The following DGCR2 variants were observed in gnomAD, a reference collection of about 807,000 sequenced individuals.
The protein encoded by DGCR2 is DiGeorge syndrome critical region gene 2.
DGCR2 carries 24 observed loss-of-function variants against 51.6 expected under a neutral mutation model. That is an observed-to-expected ratio of 0.47 (90% CI 0.34 to 0.65). The LOEUF is 0.65. DGCR2 is among the 30% of genes least tolerant of loss of function. DGCR2 has a pLI of 0.01. For missense variants in DGCR2, 765 were observed against 772.1 expected (o/e 0.99, Z 0.11); for synonymous variants, 340 against 315.4 (o/e 1.08, Z -0.82).
chr22:19,038,862 C>A lies in DGCR2; in HGVS notation c.*3G>T, dbSNP rs567084754. On this transcript the variant is annotated 3_prime_UTR_variant, in exon 10 of 10. Transcript: ENST00000263196. ...CAGACCGTTGGGGTACAGGCCAGGC[C>A]GTCTACACCACAGTATTGAGGGAGC... 5 of 1,611,750 alleles carry A rather than the reference C, an allele frequency of 3.1e-6. No individual in the cohort carries two copies. Among genetic ancestry groups the A allele is most frequent in the African/African-American group, 1.3e-5 (1 of 74,888 alleles).
At chr22:19,113,306 G>T (rs1420941613) in intron 1 of DGCR2, among the ~76,000 whole-genome samples, 1 of 151,848 alleles carries the variant, frequency 6.6e-6, no homozygotes, top group East Asian at 1.9e-4. Flanking sequence ...GGAGGCGGAG[G>T]TTGCAGTGAG....
At position 19,122,168 on chromosome 22, in the gene DGCR2, G is replaced by A. The variant is rs1450141038; in HGVS notation, c.39C>T (p.Leu13=). 6 of 1,513,536 alleles carry A rather than the reference G, an allele frequency of 4.0e-6. No individual in the cohort carries two copies. The highest frequency in any genetic ancestry group is 1.7e-4 in the Middle Eastern group (1 of 5,724). 93.8% of individuals were successfully genotyped at this position (1,513,536 alleles called of 1,614,324 possible). The part of the protein sequence containing the change: ...PKADSGAFLL[L]FLLVLTVTEP... Reference sequence around the variant, plus strand: ...CGGTGACAGTGAGCACGAGCAGGAAGAGCAGCAGGAAGGCGCCGCTGTCTG... The same window carrying A: ...CGGTGACAGTGAGCACGAGCAGGAAAAGCAGCAGGAAGGCGCCGCTGTCTG... The change falls in exon 1 of 10, where the codon CTC becomes CTT. Residue 13 remains leucine (L), a synonymous_variant. Coordinates refer to ENST00000263196, the MANE Select transcript of DGCR2 (RefSeq NM_005137.3).
intron 2 of DGCR2, among the ~76,000 whole-genome samples, chr22:19,074,633 A>C (rs532177592): frequency 1.3e-5 from 2 of 152,274 alleles, no homozygotes; most frequent in African/African-American, 4.8e-5. Flanking sequence ...CAGCTAAAAC[A>C]ATGTTTGCCT....
intron 6 of DGCR2, among the ~76,000 whole-genome samples, chr22:19,051,188 C>CAA (rs61277487): frequency 0.19 from 9,488 of 48,934 alleles, 744 homozygotes; most frequent in Non-Finnish European, 0.25. Context: ...AATTCTGTCA[C>CAA]AAAAAAAAAA....
At chr22:19,046,042 G>T (rs1039467513) in intron 7 of DGCR2, 1 of 152,074 alleles carries the variant, frequency 6.6e-6, no homozygotes, top group Admixed American at 6.6e-5. Context: ...CTGATTTTTA[G>T]AATTAGCTTG....
At chr22:19,108,414 A>T (rs1177377294) in intron 1 of DGCR2, among the ~76,000 whole-genome samples, 1 of 151,602 alleles carries the variant, frequency 6.6e-6, no homozygotes, top group Non-Finnish European at 1.5e-5. Flanking sequence ...ACAAAAATTA[A>T]AATAAAAATA....
At position 19,062,779 on chromosome 22, in the gene DGCR2, A is replaced by ACTCGCTCACTCTCTCTCTCTCTCT. The variant is rs2082688729; in HGVS notation, c.625+422_625+423insAGAGAGAGAGAGAGAGTGAGCGAG. 2.4e-5 allele frequency among the ~76,000 whole-genome samples: 3 copies of ACTCGCTCACTCTCTCTCTCTCTCT among 127,354 alleles called. No homozygotes were observed. The South Asian group carries it at 8.6e-4, about 37-fold the overall frequency. 83.5% of individuals were successfully genotyped at this position (127,354 alleles called of 152,430 possible). On this transcript the variant is annotated intron_variant, in intron 5 of 9. Coordinates refer to ENST00000263196, the MANE Select transcript of DGCR2 (RefSeq NM_005137.3). ...TGCGCACACACACACATGCATGCTC[A>ACTCGCTCACTCTCTCTCTCTCTCT]CTCTCTCTCTCTCTCTCTCTCTCTC...
intron 1 of DGCR2, among the ~76,000 whole-genome samples, chr22:19,103,416 CTTTTTTTTTTTTTTTTTTT>C (rs55877455): frequency 1.3e-4 from 9 of 67,732 alleles, no homozygotes; most frequent in South Asian, 6.7e-4. Context: ...AAAAAAAGTT[CTTTTTTTTTTTTTTTTTTT>C]TTTTTTTTTT....
rs568335081 is a variant in DGCR2 at position 19,075,167 on chromosome 22, C to T, written c.203-6942G>A. On this transcript the variant is annotated intron_variant, in intron 2 of 9. Transcript: ENST00000263196. ...GTTGGGCTGGGTGCAGTGGCTCACG[C>T]CTGTAATCCCAGCACTTTGGGAGGC... Among the ~76,000 whole-genome samples the T allele has an allele frequency of 4.5e-4, 69 of 152,318 alleles. 1 individual carries two copies. In the South Asian group the frequency reaches 0.014, roughly 30 times the overall value.
chr22:19,069,857 G>T (rs559947307), intron 2 of DGCR2, among the ~76,000 whole-genome samples: 8 of 152,136 alleles, frequency 5.3e-5, no homozygotes, highest in Non-Finnish European at 7.4e-5. Flanking sequence ...GATGGGGATG[G>T]GTTGCTATTC....
intron 2 of DGCR2, among the ~76,000 whole-genome samples, chr22:19,077,423 A>G (rs1028333595): frequency 5.9e-5 from 9 of 152,212 alleles, no homozygotes; most frequent in Non-Finnish European, 1.3e-4. Context: ...TCCTAGCACC[A>G]TTCATTCTGA....
At chr22:19,061,747 C>G (rs773967588) in intron 5 of DGCR2, 2 of 152,246 alleles carry the variant, frequency 1.3e-5, no homozygotes, top group Non-Finnish European at 1.5e-5. Flanking sequence ...ATCCATTTAA[C>G]TGGGCACAAG....
At chr22:19,049,114 G>T (rs1028410487) in intron 6 of DGCR2, among the ~76,000 whole-genome samples, 6 of 152,242 alleles carry the variant, frequency 3.9e-5, no homozygotes, top group African/African-American at 1.4e-4. Context: ...AGACTCCAGG[G>T]TCACTGCAGA....
intron 7 of DGCR2, among the ~76,000 whole-genome samples, chr22:19,043,851 G>A (rs901473588): frequency 6.6e-6 from 1 of 152,192 alleles, no homozygotes; most frequent in African/African-American, 2.4e-5. Context: ...ACGGGGCCAG[G>A]AAGCATCTCC....
chr22:19,097,664 G>A (rs1027526651), intron 1 of DGCR2, among the ~76,000 whole-genome samples: 2 of 152,178 alleles, frequency 1.3e-5, no homozygotes, highest in African/African-American at 4.8e-5. Flanking sequence ...CACACTTGAA[G>A]AATACTTCTT....
At chr22:19,054,094 G>C (rs1057363827) in intron 6 of DGCR2, among the ~76,000 whole-genome samples, 1 of 152,204 alleles carries the variant, frequency 6.6e-6, no homozygotes, top group Non-Finnish European at 1.5e-5. Flanking sequence ...GGATATTATT[G>C]GAACGACTGA....
chr22:19,063,410 G>A (rs904871084), intron 4 of DGCR2, 132 bp from the exon 5 acceptor site: 52 of 786,934 alleles, frequency 6.6e-5, no homozygotes, highest in South Asian at 1.3e-4. Context: ...GTGCGATCTC[G>A]GCTCACTGCA....
intron 1 of DGCR2, among the ~76,000 whole-genome samples, chr22:19,107,381 C>T (rs2083270581): frequency 6.6e-6 from 1 of 152,224 alleles, no homozygotes; most frequent in African/African-American, 2.4e-5. Context: ...GGGAACACCA[C>T]ACAAGAACAA....
At chr22:19,112,190 T>C (rs1041974169) in intron 1 of DGCR2, among the ~76,000 whole-genome samples, 12 of 150,088 alleles carry the variant, frequency 8.0e-5, no homozygotes, top group African/African-American at 2.4e-4. Flanking sequence ...GGAGAATCGC[T>C]TGAACCCGGG....
Sources: allele counts gnomAD v4.1 joint callset (sites outside exome capture counted in the v4.1 genomes callset), GRCh38; gene constraint gnomAD v4.1.1; transcripts MANE v1.5; gene names NCBI Gene and HGNC (gene_info 2026-07-23, HGNC 2026-07-21).